Variants in SUPT3H observed in about 807,000 individuals in gnomAD.
SUPT3H encodes the protein SPT3 homolog, SAGA and STAGA complex component.
In SUPT3H, 44 loss-of-function variants were observed where a neutral mutation model predicts 44.3. That is an observed-to-expected ratio of 0.99 (90% CI 0.78 to 1.28). The LOEUF is 1.28. SUPT3H is among the 50% of genes most tolerant of loss of function. SUPT3H has a pLI of 0.00. For synonymous variants in SUPT3H, 124 were observed against 125.6 expected (o/e 0.99, Z 0.09); for missense variants, 380 against 387.1 (o/e 0.98, Z 0.15).
At chr6:44,871,077 G>A (rs1027733906) in intron 10 of SUPT3H, among the ~76,000 whole-genome samples, 4 of 149,738 alleles carry the variant, frequency 2.7e-5, no homozygotes, top group Non-Finnish European at 4.5e-5. Flanking sequence ...GGGGAGGGGC[G>A]CCCGCCATTG....
At chr6:44,943,311 G>C (rs976637169) in intron 9 of SUPT3H, among the ~76,000 whole-genome samples, 1 of 152,028 alleles carries the variant, frequency 6.6e-6, no homozygotes, top group South Asian at 2.1e-4. Context: ...AAGTTCAATA[G>C]AATTGCTCCA....
intron 2 of SUPT3H, among the ~76,000 whole-genome samples, chr6:45,344,542 TATCA>T (rs945209427): frequency 6.6e-6 from 1 of 152,088 alleles, no homozygotes; most frequent in African/African-American, 2.4e-5. Flanking sequence ...ACAGTAACAT[TATCA>T]ATTAAGTACT....
Position 45,369,833 on chromosome 6 carries a change from AC to A in SUPT3H, c.1-4533del, listed in dbSNP as rs538392688. Among the ~76,000 whole-genome samples the A allele has an allele frequency of 1.2e-4, 18 of 152,302 alleles. No individual in the cohort carries two copies. In the East Asian group the frequency reaches 2.9e-3, roughly 24 times the overall value. On this transcript the variant is annotated intron_variant, in intron 1 of 10. Coordinates refer to ENST00000371459, the MANE Select transcript of SUPT3H (RefSeq NM_003599.4). ...TAACAAATACTATGAAATCAAAAAA[AC>A]AAGTTGATTTCAACTGGGAGGTGGC...
At chr6:44,882,820 C>T (rs200026417) in intron 10 of SUPT3H, among the ~76,000 whole-genome samples, 10 of 152,130 alleles carry the variant, frequency 6.6e-5, no homozygotes, top group East Asian at 5.8e-4. Context: ...AAAAGGCCTT[C>T]GATAAAATTC....
chr6:45,234,530 C>CAAAAAAAA (rs10713328), intron 2 of SUPT3H, among the ~76,000 whole-genome samples: 1 of 126,950 alleles, frequency 7.9e-6, no homozygotes, highest in Non-Finnish European at 1.7e-5. Flanking sequence ...GACGCTGTCA[C>CAAAAAAAA]AAAAAAAAAA....
At chr6:45,129,775 CATCA>C (rs1008301201) in intron 2 of SUPT3H, among the ~76,000 whole-genome samples, 3 of 151,604 alleles carry the variant, frequency 2.0e-5, no homozygotes, top group Admixed American at 6.6e-5. Flanking sequence ...TAAAAAAATC[CATCA>C]ATCAATCAAT....
intron 2 of SUPT3H, among the ~76,000 whole-genome samples, chr6:45,108,344 G>A (rs754429386): frequency 3.7e-4 from 56 of 152,126 alleles, no homozygotes; most frequent in Non-Finnish European, 5.6e-4. Context: ...CAGGCATGGC[G>A]GCATGCACCT....
chr6:44,909,138 T>TGC (rs1377492091), intron 10 of SUPT3H, among the ~76,000 whole-genome samples: 18 of 88,276 alleles, frequency 2.0e-4, no homozygotes, highest in East Asian at 6.4e-4. Context: ...TGTGTGTGTG[T>TGC]GTGCGTGTGT....
chr6:45,176,503 C>T (rs1252198584), intron 2 of SUPT3H, among the ~76,000 whole-genome samples: 2 of 152,074 alleles, frequency 1.3e-5, no homozygotes, highest in Non-Finnish European at 2.9e-5. Flanking sequence ...GGGGGAGGGG[C>T]GCCTGCCATT....
chr6:44,852,697 A>T (rs1036182575), intron 10 of SUPT3H, among the ~76,000 whole-genome samples: 1 of 152,212 alleles, frequency 6.6e-6, no homozygotes, highest in Non-Finnish European at 1.5e-5. Flanking sequence ...CAGCTATGGT[A>T]AATTCTCTAT....
At chr6:45,141,980 A>G (rs1251138437) in intron 2 of SUPT3H, among the ~76,000 whole-genome samples, 2 of 152,350 alleles carry the variant, frequency 1.3e-5, no homozygotes, top group East Asian at 3.9e-4. Context: ...AAGAATCTTA[A>G]GATCTGTGAG....
chr6:45,115,088 A>G (rs1334589797), intron 2 of SUPT3H, among the ~76,000 whole-genome samples: 1 of 152,186 alleles, frequency 6.6e-6, no homozygotes. Flanking sequence ...CTGTAATCAC[A>G]ATAACACCTC....
At chr6:45,223,128 T>A (rs1376435787) in intron 2 of SUPT3H, among the ~76,000 whole-genome samples, 1 of 152,066 alleles carries the variant, frequency 6.6e-6, no homozygotes, top group Non-Finnish European at 1.5e-5. Context: ...TTATGTGTCT[T>A]GACTGGTGTA....
intron 2 of SUPT3H, among the ~76,000 whole-genome samples, chr6:45,199,423 A>T (rs550486903): frequency 1.3e-5 from 2 of 151,318 alleles, no homozygotes; most frequent in East Asian, 3.8e-4. Context: ...TAATTTTATA[A>T]AAAAAAGTAT....
chr6:44,966,954 C>A (rs1247008256), intron 6 of SUPT3H, among the ~76,000 whole-genome samples: 1 of 152,174 alleles, frequency 6.6e-6, no homozygotes, highest in Non-Finnish European at 1.5e-5. Context: ...TAGTCATACT[C>A]TTGTATCTGC....
At chr6:45,180,592 A>T (rs1291092047) in intron 2 of SUPT3H, among the ~76,000 whole-genome samples, 1 of 151,644 alleles carries the variant, frequency 6.6e-6, no homozygotes, top group Middle Eastern at 3.2e-3. Context: ...ATCTTTGACA[A>T]ACCTGAGAAA....
intron 2 of SUPT3H, among the ~76,000 whole-genome samples, chr6:45,271,832 C>T (rs528487334): frequency 6.6e-6 from 1 of 152,132 alleles, no homozygotes; most frequent in Non-Finnish European, 1.5e-5. Flanking sequence ...GGAGGCTGTA[C>T]CCTGCAAACA....
chr6:44,855,990 G>A (rs3799973), intron 10 of SUPT3H, among the ~76,000 whole-genome samples: 56,445 of 151,986 alleles, frequency 0.37, 11,747 homozygotes, highest in Non-Finnish European at 0.47. Flanking sequence ...GCTACTTTAT[G>A]AGTAAAACAG....
chr6:45,054,626 T>C (rs1157766401), intron 3 of SUPT3H, among the ~76,000 whole-genome samples: 2 of 151,022 alleles, frequency 1.3e-5, no homozygotes, highest in African/African-American at 5.0e-5. Flanking sequence ...AAGATAAATC[T>C]TTTCTGCCAC....
Sources: allele counts gnomAD v4.1 joint callset (sites outside exome capture counted in the v4.1 genomes callset), GRCh38; gene constraint gnomAD v4.1.1; transcripts MANE v1.5; gene names NCBI Gene and HGNC (gene_info 2026-07-23, HGNC 2026-07-21).